The following ADCY9 variants were observed in gnomAD, a reference collection of about 807,000 sequenced individuals.
The protein encoded by ADCY9 is adenylate cyclase type 9.
Under a neutral mutation model 101.5 loss-of-function variants are expected in ADCY9, and 50 were observed. The ratio of observed to expected loss-of-function variants is 0.49; its 90% CI spans 0.39 to 0.62. ADCY9 has a LOEUF of 0.62. Ranked by LOEUF, ADCY9 falls within the 20% of genes least tolerant of loss-of-function variation. The probability of loss-of-function intolerance (pLI) is 0.00; values close to 1 mark genes in which losing one functional copy is unlikely to be tolerated. For missense variants in ADCY9, 1,662 were observed against 1,800.4 expected, an observed-to-expected ratio of 0.92 and a Z score of 1.39; for synonymous variants, 905 against 769.3, an observed-to-expected ratio of 1.18 and a Z score of -2.92.
At chr16:4,015,313 T>C (rs2056431269) in intron 2 of ADCY9, among the ~76,000 whole-genome samples, 1 of 152,028 alleles carries the variant, frequency 6.6e-6, no homozygotes, top group Non-Finnish European at 1.5e-5. Context: ...AATGCTAACA[T>C]AGGGAGAGTC....
intron 2 of ADCY9, among the ~76,000 whole-genome samples, chr16:4,045,637 C>T (rs1446746661): frequency 6.9e-6 from 1 of 144,114 alleles, no homozygotes; most frequent in Admixed American, 7.0e-5. Context: ...ATAATTTTGC[C>T]TCCCAATTTG....
Position 4,105,208 on chromosome 16 carries a change from C to T in ADCY9, c.1693+8542G>A, listed in dbSNP as rs1225040548. 2.6e-5 allele frequency among the ~76,000 whole-genome samples: 4 copies of T among 152,210 alleles called. No individual in the cohort carries two copies. In the South Asian group the frequency reaches 8.3e-4, roughly 32 times the overall value. On this transcript the variant is annotated intron_variant, in intron 2 of 10. Coordinates refer to ENST00000294016, the MANE Select transcript of ADCY9 (RefSeq NM_001116.4). ...GTTACTTTTATAAAAATGTTACTTACATTAACATGCAATGGGTGAAATGAA... is the reference window on the plus strand; with the variant it reads ...GTTACTTTTATAAAAATGTTACTTATATTAACATGCAATGGGTGAAATGAA...
At chr16:3,996,195 T>C (rs149756410) in intron 3 of ADCY9, among the ~76,000 whole-genome samples, 2,962 of 152,170 alleles carry the variant, frequency 0.019, 45 homozygotes, top group Non-Finnish European at 0.029. Context: ...ACCTTGTCTC[T>C]ACTAAAAATA....
chr16:4,060,683 C>A (rs1041685593), intron 2 of ADCY9, among the ~76,000 whole-genome samples: 1 of 152,078 alleles, frequency 6.6e-6, no homozygotes, highest in African/African-American at 2.4e-5. Flanking sequence ...ACAGACTTCA[C>A]AGAATTAATC....
At chr16:3,996,931 C>A (rs192858824) in intron 3 of ADCY9, among the ~76,000 whole-genome samples, 2 of 152,110 alleles carry the variant, frequency 1.3e-5, no homozygotes. Context: ...GTGGGGAGAT[C>A]TTGGCTCACT....
chr16:4,058,573 A>G (rs2056755640), intron 2 of ADCY9, among the ~76,000 whole-genome samples: 1 of 152,060 alleles, frequency 6.6e-6, no homozygotes, highest in Non-Finnish European at 1.5e-5. Context: ...TTGAGAGAAC[A>G]CTCCAAGATG....
chr16:4,111,294 G>A (rs966608332), intron 2 of ADCY9, among the ~76,000 whole-genome samples: 3 of 152,060 alleles, frequency 2.0e-5, no homozygotes, highest in South Asian at 2.1e-4. Context: ...TTTTGTTGTT[G>A]TTGTTTTTTA....
chr16:4,002,710 A>G (rs2056339353), intron 3 of ADCY9, among the ~76,000 whole-genome samples: 1 of 152,148 alleles, frequency 6.6e-6, no homozygotes, highest in Admixed American at 6.6e-5. Flanking sequence ...AAGTAATTCA[A>G]TTTTGGGTTT....
intron 2 of ADCY9, among the ~76,000 whole-genome samples, chr16:4,008,197 G>C (rs67258937): frequency 0.059 from 8,179 of 138,600 alleles, 394 homozygotes; most frequent in African/African-American, 0.14. Context: ...ACAAAATCCC[G>C]CATATAGAAA....
chr16:3,988,448 G>C (rs531068773), intron 6 of ADCY9, among the ~76,000 whole-genome samples: 2 of 147,976 alleles, frequency 1.4e-5, no homozygotes, highest in Admixed American at 1.3e-4. Context: ...CAGGGCAGGT[G>C]GGGGGTTCCC....
chr16:3,995,730 G>A (rs2056281993), intron 3 of ADCY9, among the ~76,000 whole-genome samples: 1 of 151,890 alleles, frequency 6.6e-6, no homozygotes, highest in African/African-American at 2.4e-5. Context: ...TAAGGGCAAA[G>A]ATATGACCCA....
At chr16:3,989,918 G>A (rs112750439) in intron 5 of ADCY9, among the ~76,000 whole-genome samples, 3 of 152,306 alleles carry the variant, frequency 2.0e-5, no homozygotes, top group African/African-American at 4.8e-5. Flanking sequence ...TATAGTTAGC[G>A]TAATTTTGGT....
intron 2 of ADCY9, among the ~76,000 whole-genome samples, chr16:4,067,651 C>T (rs982458429): frequency 6.6e-6 from 1 of 152,114 alleles, no homozygotes; most frequent in East Asian, 1.9e-4. Flanking sequence ...CTAAACAGAA[C>T]TGGACCCCCA....
At chr16:4,079,249 G>A (rs2056887072) in intron 2 of ADCY9, among the ~76,000 whole-genome samples, 1 of 152,112 alleles carries the variant, frequency 6.6e-6, no homozygotes, top group Admixed American at 6.6e-5. Flanking sequence ...TAAAATCTAA[G>A]TCATTTAAAA....
intron 2 of ADCY9, among the ~76,000 whole-genome samples, chr16:4,050,713 C>A (rs1212423820): frequency 1.6e-3 from 114 of 69,616 alleles, no homozygotes; most frequent in South Asian, 3.7e-3. Context: ...AACTCCGTCT[C>A]AAAAAAAAAA....
intron 2 of ADCY9, among the ~76,000 whole-genome samples, chr16:4,047,838 C>T (rs1028860005): frequency 3.9e-5 from 6 of 152,210 alleles, no homozygotes; most frequent in African/African-American, 9.6e-5. Context: ...GGATTACAGG[C>T]GTGAGCCACC....
chr16:3,992,403 G>T lies in ADCY9; in HGVS notation c.1990-40C>A, dbSNP rs764915091. 1 of 1,586,166 alleles carries T rather than the reference G, an allele frequency of 6.3e-7. No individual in the cohort carries two copies. The highest frequency in any genetic ancestry group is 8.6e-7 in the Non-Finnish European group (1 of 1,158,746). ...AGAGGACGCAGACACGGGAAGTGAA[G>T]TGGCACCGGGCACTGGGCACACACG... On this transcript the variant is annotated intron_variant, in intron 4 of 10. Coordinates refer to ENST00000294016, the MANE Select transcript of ADCY9 (RefSeq NM_001116.4). This position sits in a 1 kb window ranked among gnomAD's most constrained non-coding sequence, Gnocchi z 4.2.
Position 4,005,750 on chromosome 16 carries a change from G to A in ADCY9, c.1884+1618C>T, listed in dbSNP as rs530284692. ...GAACTCTGCGACCGCATCCCCTAAC[G>A]GACAGAAACACACATATGTGGAAGC... On this transcript the variant is annotated intron_variant, in intron 3 of 10. Transcript: ENST00000294016. Among the ~76,000 whole-genome samples, 9 of 152,164 alleles carry A rather than the reference G, an allele frequency of 5.9e-5. No homozygotes were observed. In the South Asian group the frequency reaches 1.2e-3, roughly 21 times the overall value.
intron 2 of ADCY9, among the ~76,000 whole-genome samples, chr16:4,107,731 C>A (rs929605729): frequency 6.6e-6 from 1 of 152,110 alleles, no homozygotes; most frequent in Non-Finnish European, 1.5e-5. Context: ...GAACCCCAAA[C>A]CAACACCTGG....
Sources: gnomAD v4.1 joint callset for allele counts (sites outside exome capture counted in the v4.1 genomes callset) on GRCh38, gnomAD v4.1.1 for gene constraint, Gnocchi (gnomAD v3.1) non-coding constraint, MANE v1.5 for transcripts, NCBI Gene and HGNC (gene_info 2026-07-23, HGNC 2026-07-21) for gene names.